NCK2: variants seen among roughly 807,000 people sequenced by gnomAD.
The protein encoded by NCK2 is cytoplasmic protein NCK2.
A neutral mutation model predicts 33.9 loss-of-function variants in NCK2; 16 were observed. The observed-to-expected ratio is 0.47, with a 90% CI of 0.32 to 0.72. The LOEUF is 0.72. NCK2 is among the 30% of genes least tolerant of loss of function. The probability of loss-of-function intolerance (pLI) is 0.03; values close to 1 mark genes in which losing one functional copy is unlikely to be tolerated. For synonymous variants in NCK2, 273 were observed against 239.9 expected (o/e 1.14, Z -1.27); for missense variants, 418 against 537.3 (o/e 0.78, Z 2.19).
intron 1 of NCK2, among the ~76,000 whole-genome samples, chr2:105,799,746 C>A (rs1674742654): frequency 6.6e-6 from 1 of 152,178 alleles, no homozygotes; most frequent in South Asian, 2.1e-4. Context: ...AGGGATGCTT[C>A]CCTCTACCTC....
chr2:105,757,886 G>A (rs1335304391), intron 1 of NCK2, among the ~76,000 whole-genome samples: 1 of 152,158 alleles, frequency 6.6e-6, no homozygotes, highest in Non-Finnish European at 1.5e-5. Flanking sequence ...CCAGATACTG[G>A]AATTGTCACC....
chr2:105,755,053 A>G (rs550072481), intron 1 of NCK2, among the ~76,000 whole-genome samples: 1 of 151,772 alleles, frequency 6.6e-6, no homozygotes, highest in African/African-American at 2.4e-5. Context: ...TGTGTTTCCC[A>G]TCTGTCTTTG....
At chr2:105,869,448 A>G (rs141023741) in intron 3 of NCK2, among the ~76,000 whole-genome samples, 4 of 152,240 alleles carry the variant, frequency 2.6e-5, no homozygotes, top group East Asian at 3.9e-4. Flanking sequence ...ATGCAGAGAG[A>G]TGTTACAGAA....
At chr2:105,857,047 T>TTTTTTTTTTTTTTTTA (rs1553460690) in intron 3 of NCK2, 1 of 130,786 alleles carries the variant, frequency 7.6e-6, no homozygotes, top group African/African-American at 2.8e-5. Context: ...TTTTTTTTTT[T>TTTTTTTTTTTTTTTTA]TTGTATTTAC....
chr2:105,835,409 G>GACGTATATA, intron 2 of NCK2, among the ~76,000 whole-genome samples: 1 of 59,324 alleles, frequency 1.7e-5, no homozygotes, highest in Non-Finnish European at 3.3e-5. Flanking sequence ...ATATATACGT[G>GACGTATATA]TATATATATA....
chr2:105,812,108 T>A (rs985790591), intron 1 of NCK2, among the ~76,000 whole-genome samples: 3 of 152,176 alleles, frequency 2.0e-5, no homozygotes, highest in African/African-American at 7.2e-5. Context: ...TTGATATAAT[T>A]TCAGCCTAGT....
chr2:105,825,136 C>A (rs1285435747), intron 2 of NCK2, among the ~76,000 whole-genome samples: 1 of 152,112 alleles, frequency 6.6e-6, no homozygotes, highest in Non-Finnish European at 1.5e-5. Flanking sequence ...TCTGTGAGTC[C>A]ATGCCTACCA....
chr2:105,798,290 G>T (rs2104441065), intron 1 of NCK2, among the ~76,000 whole-genome samples: 1 of 152,256 alleles, frequency 6.6e-6, no homozygotes, highest in East Asian at 1.9e-4. Context: ...CTCCTATCCT[G>T]GGAGCCCGGA....
intron 1 of NCK2, among the ~76,000 whole-genome samples, chr2:105,766,005 T>G (rs1381288281): frequency 6.6e-6 from 1 of 152,158 alleles, no homozygotes; most frequent in Non-Finnish European, 1.5e-5. Context: ...TGCACAGGTA[T>G]GACCAGTTCC....
rs909501424 is a variant in NCK2 at position 105,817,498 on chromosome 2, C to T, written c.-17+885C>T. 6.0e-4 allele frequency among the ~76,000 whole-genome samples: 91 copies of T among 152,300 alleles called. 1 individual carries two copies. Among genetic ancestry groups the T allele is most frequent in the Admixed American group, 5.9e-3 (91 of 15,304 alleles). On this transcript the variant is annotated intron_variant, in intron 2 of 4. Transcript: ENST00000233154. ...AGTGCTTTATGAGAAGACACATTTTCACCTCCAGAGCTTTGTCTCAGAATG... is the reference window on the plus strand; with the variant it reads ...AGTGCTTTATGAGAAGACACATTTTTACCTCCAGAGCTTTGTCTCAGAATG...
At chr2:105,755,624 G>T (rs1689578456) in intron 1 of NCK2, among the ~76,000 whole-genome samples, 1 of 152,132 alleles carries the variant, frequency 6.6e-6, no homozygotes, top group African/African-American at 2.4e-5. Flanking sequence ...AGATTGGGAA[G>T]TAGAAACAAT....
chr2:105,831,797 T>C (rs1676200616), intron 2 of NCK2, among the ~76,000 whole-genome samples: 1 of 152,216 alleles, frequency 6.6e-6, no homozygotes, highest in African/African-American at 2.4e-5. Flanking sequence ...TTACTATAGC[T>C]TGTAGTATAT....
intron 1 of NCK2, among the ~76,000 whole-genome samples, chr2:105,810,930 C>A (rs1314829403): frequency 1.3e-5 from 2 of 152,108 alleles, no homozygotes; most frequent in Non-Finnish European, 2.9e-5. Flanking sequence ...AATCTCAGCA[C>A]TTTGGGAGGC....
chr2:105,765,103 C>G (rs545862398), intron 1 of NCK2, among the ~76,000 whole-genome samples: 2 of 151,952 alleles, frequency 1.3e-5, no homozygotes, highest in Non-Finnish European at 2.9e-5. Flanking sequence ...CTTGATGCAT[C>G]TTGCCATAAC....
At chr2:105,848,169 G>C (rs772215138) in intron 2 of NCK2, among the ~76,000 whole-genome samples, 11 of 152,188 alleles carry the variant, frequency 7.2e-5, no homozygotes, top group Non-Finnish European at 1.3e-4. Flanking sequence ...CTGAGTGTTA[G>C]GTATTTCCTG....
At chr2:105,810,321 TGAGA>T (rs994787495) in intron 1 of NCK2, among the ~76,000 whole-genome samples, 64 of 151,858 alleles carry the variant, frequency 4.2e-4, no homozygotes, top group African/African-American at 1.3e-3. Context: ...TGTGTGTGTG[TGAGA>T]GAGAGAGCGA....
At chr2:105,879,280 T>A (rs1424868058) in intron 3 of NCK2, among the ~76,000 whole-genome samples, 2 of 152,260 alleles carry the variant, frequency 1.3e-5, no homozygotes, top group African/African-American at 4.8e-5. Flanking sequence ...CCCGGCTTGC[T>A]AGCTGTTTTG....
intron 4 of NCK2, among the ~76,000 whole-genome samples, chr2:105,890,557 T>TA (rs1422268458): frequency 1.3e-5 from 2 of 152,174 alleles, no homozygotes; most frequent in Non-Finnish European, 2.9e-5. Context: ...CATCCAGGAG[T>TA]ATGCCCTGGG....
intron 2 of NCK2, among the ~76,000 whole-genome samples, chr2:105,844,198 G>A (rs1320149565): frequency 6.6e-6 from 1 of 152,114 alleles, no homozygotes; most frequent in Non-Finnish European, 1.5e-5. Context: ...TCAAAAAAAA[G>A]GGAAGTCTGA....
Sources: gnomAD v4.1 joint callset for allele counts (sites outside exome capture counted in the v4.1 genomes callset) on GRCh38, gnomAD v4.1.1 for gene constraint, MANE v1.5 for transcripts, NCBI Gene and HGNC (gene_info 2026-07-23, HGNC 2026-07-21) for gene names.